The following JRK variants were observed in gnomAD, a reference collection of about 807,000 sequenced individuals.
The protein encoded by JRK is Jrk helix-turn-helix protein.
For synonymous variants in JRK, 303 were observed against 218.1 expected, an observed-to-expected ratio of 1.39 and a Z score of -3.43; for missense variants, 720 against 509.2, an observed-to-expected ratio of 1.41 and a Z score of -3.98.
chr8:142,650,828 T>C, the JRK span, among the ~76,000 whole-genome samples: 1 of 152,228 alleles, frequency 6.6e-6, no homozygotes. Context: ...GGGTAGTCTC[T>C]GTTGCAATAA....
Position 142,666,063 on chromosome 8 carries a change from A to C in JRK, c.-5T>G. 6.2e-7 allele frequency: 1 copy of C among 1,606,164 alleles called. No homozygotes were observed. The highest frequency in any genetic ancestry group is 8.5e-7 in the Non-Finnish European group (1 of 1,176,950). On this transcript the variant is annotated 5_prime_UTR_variant, in exon 2 of 2. Coordinates refer to ENST00000612905, the MANE Select transcript of JRK (RefSeq NM_003724.4). ...GGCAGCCGGCTTGGAGGCCATGGGG[A>C]GGGGTGGCTGGTCCTAGCACTTGCA...
At chr8:142,651,738 T>A in the JRK span, among the ~76,000 whole-genome samples, 1 of 152,140 alleles carries the variant, frequency 6.6e-6, no homozygotes, top group East Asian at 1.9e-4. Context: ...ACAACTTATA[T>A]CATTACTGAG....
At chr8:142,648,779 C>T in the JRK span, among the ~76,000 whole-genome samples, 8 of 152,316 alleles carry the variant, frequency 5.3e-5, no homozygotes, top group Admixed American at 4.6e-4. Context: ...CCACCATCCT[C>T]CAGACCCCAG....
chr8:142,659,498 C>A lies in JRK; in HGVS notation c.*4854G>T. 1 of 986,224 alleles carries A rather than the reference C, an allele frequency of 1.0e-6. No individual in the cohort carries two copies. The highest frequency in any genetic ancestry group is 1.7e-5 in the African/African-American group (1 of 57,360). The allele number at this position is 986,224 out of a possible 1,614,324, so 61.1% of individuals were successfully genotyped here. A position where few individuals can be genotyped will look rare whatever the true frequency, so the allele number is the denominator to read the frequency against. The stretch of plus-strand genomic sequence containing the variant: ...AATGGCCGTGCTGACAGGCTCTCTG[C>A]GATAGGGCCCAGCCATGGCCAGTGG... On this transcript the variant is annotated 3_prime_UTR_variant, in exon 2 of 2. Coordinates refer to ENST00000612905, the MANE Select transcript of JRK (RefSeq NM_003724.4).
Position 142,663,742 on chromosome 8 carries a change from A to C in JRK, c.*610T>G. The stretch of plus-strand genomic sequence containing the variant: ...TGCGGGTAACAGAGGATGGTTCCAG[A>C]GTCATTCTGCTGAATGAGGCCACAA... On this transcript the variant is annotated 3_prime_UTR_variant, in exon 2 of 2. Coordinates refer to ENST00000612905, the MANE Select transcript of JRK (RefSeq NM_003724.4). 1 of 985,482 alleles carries C rather than the reference A, an allele frequency of 1.0e-6. No homozygotes were observed. The highest frequency in any genetic ancestry group is 1.2e-6 in the Non-Finnish European group (1 of 829,968). 61.0% of individuals were successfully genotyped at this position (985,482 alleles called of 1,614,324 possible). A position where few individuals can be genotyped will look rare whatever the true frequency, so the allele number is the denominator to read the frequency against.
In JRK at chr8:142,663,430, C is replaced by G. The variant is rs1587522113; in HGVS notation, c.*922G>C. 1 of 985,468 alleles carries G rather than the reference C, an allele frequency of 1.0e-6. No individual in the cohort carries two copies. Among genetic ancestry groups the G allele is most frequent in the African/African-American group, 1.7e-5 (1 of 57,372 alleles). The allele number at this position is 985,468 out of a possible 1,614,324, so 61.0% of individuals were successfully genotyped here. On this transcript the variant is annotated 3_prime_UTR_variant, in exon 2 of 2. Coordinates refer to ENST00000612905, the MANE Select transcript of JRK (RefSeq NM_003724.4). ...CACATACTGCTAGAAATCTAAGCAG[C>G]CTGTTTTACTGTTTTCAGTGACTTA...
Position 142,658,849 on chromosome 8 carries a change from C to T in JRK, c.*5503G>A. On this transcript the variant is annotated 3_prime_UTR_variant, in exon 2 of 2. Coordinates refer to ENST00000612905, the MANE Select transcript of JRK (RefSeq NM_003724.4). ...AGCACTGCCATGTGGCAGAAGTTCT[C>T]CAACATTATGTCTCTGTAGAGGCCT... 1.2e-6 allele frequency: 2 copies of T among 1,612,138 alleles called. No homozygotes were observed. The highest frequency in any genetic ancestry group is 1.7e-6 in the Non-Finnish European group (2 of 1,179,110).
At position 142,657,846 on chromosome 8, in the gene JRK, C is replaced by G. The variant is rs1313388603; in HGVS notation, c.*6506G>C. On this transcript the variant is annotated 3_prime_UTR_variant, in exon 2 of 2. Coordinates refer to ENST00000612905, the MANE Select transcript of JRK (RefSeq NM_003724.4). ...CTGTATCATGGCAGAAGGAGCCTGG[C>G]TCTGCCAGACAGTTGAGCTGTTTCA... 6.6e-6 allele frequency: 1 copy of G among 152,290 alleles called. No individual in the cohort carries two copies. Among genetic ancestry groups the G allele is most frequent in the East Asian group, 1.9e-4 (1 of 5,204 alleles). 9.4% of individuals were successfully genotyped at this position (152,290 alleles called of 1,614,324 possible).
At position 142,664,337 on chromosome 8, in the gene JRK, A is replaced by C; in HGVS notation, c.*15T>G. On this transcript the variant is annotated 3_prime_UTR_variant, in exon 2 of 2. Coordinates refer to ENST00000612905, the MANE Select transcript of JRK (RefSeq NM_003724.4). ...GAGAAACAGGGCCAGTGGCCAGGGC[A>C]GGGCAGAGAAGCCATCAGTTGTCAC... 6.5e-7 allele frequency: 1 copy of C among 1,542,816 alleles called. No individual in the cohort carries two copies. The highest frequency in any genetic ancestry group is 8.8e-7 in the Non-Finnish European group (1 of 1,141,470).
chr8:142,647,179 CA>C, the JRK span, among the ~76,000 whole-genome samples: 1 of 152,080 alleles, frequency 6.6e-6, no homozygotes, highest in Non-Finnish European at 1.5e-5. Context: ...GAGCTCTAGA[CA>C]GAGCCCACAC....
In JRK at chr8:142,658,675, C is replaced by A; in HGVS notation, c.*5677G>T. 1 of 1,149,850 alleles carries A rather than the reference C, an allele frequency of 8.7e-7. No homozygotes were observed. The highest frequency in any genetic ancestry group is 1.2e-6 in the Non-Finnish European group (1 of 859,434). 71.2% of individuals were successfully genotyped at this position (1,149,850 alleles called of 1,614,324 possible). ...CCAAAGGCCCCACCTCCTAATACCACCCTCCTGGGGGTCAGGGTTTCAACA... is the reference window on the plus strand; with the variant it reads ...CCAAAGGCCCCACCTCCTAATACCAACCTCCTGGGGGTCAGGGTTTCAACA... On this transcript the variant is annotated 3_prime_UTR_variant, in exon 2 of 2. Coordinates refer to ENST00000612905, the MANE Select transcript of JRK (RefSeq NM_003724.4).
chr8:142,666,712 G>A (rs148714604), intron 1 of JRK, among the ~76,000 whole-genome samples, 192 bp from the exon 2 acceptor site: 166 of 152,094 alleles, frequency 1.1e-3, no homozygotes, highest in Non-Finnish European at 1.8e-3. Context: ...GCCCCTGCAC[G>A]TGCTGCTCAG....
At position 142,659,844 on chromosome 8, in the gene JRK, C is replaced by G. The variant is rs1846861930; in HGVS notation, c.*4508G>C. 1.0e-6 allele frequency: 1 copy of G among 985,646 alleles called. No individual in the cohort carries two copies. The highest frequency in any genetic ancestry group is 6.1e-5 in the Admixed American group (1 of 16,292). The allele number at this position is 985,646 out of a possible 1,614,324, so 61.1% of individuals were successfully genotyped here. ...CCCTCTGCCCTCAGCAACTTCACACCTGCCCCTCCCTGGGCCCCAGTCTCA... is the reference window on the plus strand; with the variant it reads ...CCCTCTGCCCTCAGCAACTTCACACGTGCCCCTCCCTGGGCCCCAGTCTCA... On this transcript the variant is annotated 3_prime_UTR_variant, in exon 2 of 2. Transcript: ENST00000612905.
the JRK span, among the ~76,000 whole-genome samples, chr8:142,646,356 C>G: frequency 3.4e-4 from 52 of 152,288 alleles, no homozygotes; most frequent in Non-Finnish European, 6.5e-4. Flanking sequence ...TGATAACAAA[C>G]CCTACTGGCT....
chr8:142,669,554 G>A (rs1385390163), intron 1 of JRK, among the ~76,000 whole-genome samples: 1 of 152,188 alleles, frequency 6.6e-6, no homozygotes, highest in African/African-American at 2.4e-5. Flanking sequence ...GTCTCGGTCT[G>A]GTTTTTTAAG....
At chr8:142,667,472 C>G (rs1008580505) in intron 1 of JRK, among the ~76,000 whole-genome samples, 11 of 148,058 alleles carry the variant, frequency 7.4e-5, no homozygotes, top group Non-Finnish European at 1.4e-4. Context: ...CACACACACA[C>G]AGCCACCCAA....
Position 142,663,137 on chromosome 8 carries a change from A to T in JRK, c.*1215T>A. ...CACTTCACTCCAGCCTGGTCAACAG[A>T]GTGAGACCCTGCCTCAAGAAAAGAA... is the stretch of plus-strand genomic sequence containing the variant. On this transcript the variant is annotated 3_prime_UTR_variant, in exon 2 of 2. Coordinates refer to ENST00000612905, the MANE Select transcript of JRK (RefSeq NM_003724.4). 5 of 980,490 alleles carry T rather than the reference A, an allele frequency of 5.1e-6. No homozygotes were observed. The highest frequency in any genetic ancestry group is 6.1e-6 in the Non-Finnish European group (5 of 825,418). 60.7% of individuals were successfully genotyped at this position (980,490 alleles called of 1,614,324 possible).
downstream of JRK, among the ~76,000 whole-genome samples, chr8:142,656,878 G>A (rs1846764279): frequency 6.6e-6 from 1 of 151,832 alleles, no homozygotes; most frequent in African/African-American, 2.4e-5. Flanking sequence ...TACAGGTGAA[G>A]CCCACTAAGA....
rs782376267 is a variant in JRK, at chr8:142,658,823, C to A, written c.*5529G>T. 6 of 1,601,804 alleles carry A rather than the reference C, an allele frequency of 3.7e-6. No homozygotes were observed. In the Middle Eastern group the frequency reaches 5.0e-4, roughly 135 times the overall value. On this transcript the variant is annotated 3_prime_UTR_variant, in exon 2 of 2. Coordinates refer to ENST00000612905, the MANE Select transcript of JRK (RefSeq NM_003724.4). The stretch of plus-strand genomic sequence containing the variant: ...CTGGTGGGGACAGAGGGGTCTTACC[C>A]AGCACTGCCATGTGGCAGAAGTTCT...
Sources: gnomAD v4.1 joint callset for allele counts (sites outside exome capture counted in the v4.1 genomes callset) on GRCh38, gnomAD v4.1.1 for gene constraint, MANE v1.5 for transcripts, NCBI Gene and HGNC (gene_info 2026-07-23, HGNC 2026-07-21) for gene names.